Variants in UNC5D observed in about 807,000 individuals in gnomAD.
UNC5D encodes netrin receptor UNC5D.
Under a neutral mutation model 105.4 loss-of-function variants are expected in UNC5D, and 39 were observed. The ratio of observed to expected loss-of-function variants is 0.37; its 90% CI spans 0.29 to 0.48. The LOEUF is 0.48. Among genes scored for constraint, UNC5D ranks in the 20% least tolerant of loss-of-function variants. The probability of loss-of-function intolerance (pLI) is 0.98; values close to 1 mark genes in which losing one functional copy is unlikely to be tolerated. For synonymous variants in UNC5D, 452 were observed against 450.4 expected (o/e 1.00, Z -0.04); for missense variants, 991 against 1,202.4 (o/e 0.82, Z 2.60).
At chr8:35,495,924 A>T (rs1811557106) in intron 1 of UNC5D, among the ~76,000 whole-genome samples, 1 of 152,346 alleles carries the variant, frequency 6.6e-6, no homozygotes, top group South Asian at 2.1e-4. Flanking sequence ...CAATGCTGAA[A>T]AAAGGGGCCA....
intron 4 of UNC5D, among the ~76,000 whole-genome samples, chr8:35,659,912 G>C (rs931412514): frequency 4.6e-5 from 7 of 152,192 alleles, no homozygotes; most frequent in African/African-American, 7.2e-5. Flanking sequence ...GGAAGGAAAA[G>C]AATAGAGCAG....
intron 1 of UNC5D, among the ~76,000 whole-genome samples, chr8:35,530,491 AT>A (rs2130538411): frequency 2.5e-5 from 1 of 39,946 alleles, no homozygotes; most frequent in South Asian, 8.6e-4. Context: ...CATCAAGGAT[AT>A]TGGTCTAAAA....
intron 4 of UNC5D, among the ~76,000 whole-genome samples, chr8:35,635,304 C>T (rs1345537269): frequency 1.3e-5 from 2 of 152,158 alleles, no homozygotes; most frequent in South Asian, 4.1e-4. Context: ...ATTGATACCT[C>T]TCTTGCTGTC....
chr8:35,413,906 T>A (rs1221310775), intron 1 of UNC5D, among the ~76,000 whole-genome samples: 1 of 152,104 alleles, frequency 6.6e-6, no homozygotes, highest in Non-Finnish European at 1.5e-5. Context: ...GGATGCTACA[T>A]CAGTGGGTCT....
chr8:35,385,839 G>C (rs372457658), intron 1 of UNC5D, among the ~76,000 whole-genome samples: 2 of 152,258 alleles, frequency 1.3e-5, no homozygotes, highest in East Asian at 3.9e-4. Flanking sequence ...ATAAAGAGAT[G>C]AGTGATTGTC....
chr8:35,324,371 G>A (rs1468539379), intron 1 of UNC5D, among the ~76,000 whole-genome samples: 1 of 151,856 alleles, frequency 6.6e-6, no homozygotes, highest in African/African-American at 2.4e-5. Context: ...AAAAGGAGAA[G>A]TAATAAAAAT....
At chr8:35,469,030 G>A (rs192370595) in intron 1 of UNC5D, among the ~76,000 whole-genome samples, 1 of 152,204 alleles carries the variant, frequency 6.6e-6, no homozygotes, top group East Asian at 1.9e-4. Flanking sequence ...AGTTGGAGAG[G>A]GTGGTAGCTG....
intron 4 of UNC5D, among the ~76,000 whole-genome samples, chr8:35,613,981 G>T (rs981569071): frequency 6.6e-6 from 1 of 152,188 alleles, no homozygotes; most frequent in Non-Finnish European, 1.5e-5. Context: ...ACTGTGTGTG[G>T]GGTGTTAATC....
At chr8:35,596,392 T>G (rs1471031359) in intron 4 of UNC5D, among the ~76,000 whole-genome samples, 1 of 152,198 alleles carries the variant, frequency 6.6e-6, no homozygotes, top group Non-Finnish European at 1.5e-5. Context: ...TAGCTATTAT[T>G]GGAGGAAAAA....
intron 14 of UNC5D, among the ~76,000 whole-genome samples, chr8:35,766,426 C>T (rs1801770386): frequency 6.6e-6 from 1 of 152,132 alleles, no homozygotes; most frequent in East Asian, 1.9e-4. Context: ...TGTATTCTCA[C>T]AATTCTGCAT....
chr8:35,724,493 T>C (rs1488706122), intron 9 of UNC5D, among the ~76,000 whole-genome samples: 2 of 152,116 alleles, frequency 1.3e-5, no homozygotes, highest in African/African-American at 4.8e-5. Context: ...AAGAGAAGAC[T>C]GGGGTGACCA....
intron 11 of UNC5D, among the ~76,000 whole-genome samples, chr8:35,739,336 G>C (rs1368262484): frequency 6.6e-6 from 1 of 152,076 alleles, no homozygotes; most frequent in Non-Finnish European, 1.5e-5. Context: ...AGATAGAAAA[G>C]GGGGAGAGGA....
At chr8:35,548,022 G>A (rs1318244205) in intron 1 of UNC5D, among the ~76,000 whole-genome samples, 1 of 152,202 alleles carries the variant, frequency 6.6e-6, no homozygotes, top group Non-Finnish European at 1.5e-5. Flanking sequence ...GTCTCAACCA[G>A]TCTAGTCTTT....
At chr8:35,243,736 G>T (rs1431506691) in intron 1 of UNC5D, among the ~76,000 whole-genome samples, 1 of 152,120 alleles carries the variant, frequency 6.6e-6, no homozygotes, top group Non-Finnish European at 1.5e-5. Flanking sequence ...ATCCCAACAT[G>T]GTGTGGAGGT....
intron 1 of UNC5D, among the ~76,000 whole-genome samples, chr8:35,443,527 A>G (rs1043781904): frequency 3.6e-4 from 54 of 151,904 alleles, no homozygotes; most frequent in African/African-American, 1.3e-3. Context: ...TGGTGGGTTT[A>G]GTTCTTTGGT....
At chr8:35,279,353 T>C (rs1805991163) in intron 1 of UNC5D, among the ~76,000 whole-genome samples, 1 of 152,332 alleles carries the variant, frequency 6.6e-6, no homozygotes, top group Middle Eastern at 3.4e-3. Context: ...TTTGTATTTA[T>C]AGTGAGGAGA....
In UNC5D at chr8:35,746,535, T is replaced by G. The variant is rs116591233; in HGVS notation, c.1767-1992T>G. Among the ~76,000 whole-genome samples, 739 of 152,296 alleles carry G rather than the reference T, an allele frequency of 4.9e-3. 8 individuals are homozygous for G. The highest frequency in any genetic ancestry group is 0.017 in the African/African-American group (714 of 41,560). On this transcript the variant is annotated intron_variant, in intron 11 of 16. Coordinates refer to ENST00000404895, the MANE Select transcript of UNC5D (RefSeq NM_080872.4). ...ACGTAAGGAAATGCCTAATGCCTAT[T>G]TAATGCAAAACTCCTATTCCATGCC... is the stretch of plus-strand genomic sequence containing the variant.
intron 1 of UNC5D, among the ~76,000 whole-genome samples, chr8:35,356,234 C>A (rs1476854932): frequency 6.6e-6 from 1 of 152,148 alleles, no homozygotes; most frequent in African/African-American, 2.4e-5. Context: ...GTGATTAGTG[C>A]TCCATATATT....
rs192004583 is a variant in UNC5D at position 35,360,137 on chromosome 8, T to G, written c.103+124250T>G. On this transcript the variant is annotated intron_variant, in intron 1 of 16. Transcript: ENST00000404895. ...TCTAGAGGGTTTTTTCATGTCCCTG[T>G]GCCATTTAACAGTTCCTTTCCCTGT... 2.6e-5 allele frequency among the ~76,000 whole-genome samples: 4 copies of G among 152,282 alleles called. No homozygotes were observed. The East Asian group carries it at 5.8e-4, about 22-fold the overall frequency.
Sources: allele counts gnomAD v4.1 joint callset (sites outside exome capture counted in the v4.1 genomes callset), GRCh38; gene constraint gnomAD v4.1.1; transcripts MANE v1.5; gene names NCBI Gene and HGNC (gene_info 2026-07-23, HGNC 2026-07-21).